ABTB3: variants seen among roughly 807,000 people sequenced by gnomAD.
The protein encoded by ABTB3 is ankyrin repeat- and BTB/POZ domain-containing protein 3.
At chr12:107,439,787 C>T in the ABTB3 span, among the ~76,000 whole-genome samples, 1 of 152,224 alleles carries the variant, frequency 6.6e-6, no homozygotes, top group African/African-American at 2.4e-5. Context: ...ATCAAGGCCA[C>T]AAACATACCC....
the ABTB3 span, among the ~76,000 whole-genome samples, chr12:107,655,785 A>G: frequency 6.6e-6 from 1 of 152,214 alleles, no homozygotes; most frequent in African/African-American, 2.4e-5. Context: ...CAGTCATGAA[A>G]AGAGGCCCTG....
the ABTB3 span, among the ~76,000 whole-genome samples, chr12:107,599,557 C>T: frequency 6.6e-6 from 1 of 152,158 alleles, no homozygotes; most frequent in African/African-American, 2.4e-5. Context: ...CGACTTGGTC[C>T]TTAATTACTA....
the ABTB3 span, among the ~76,000 whole-genome samples, chr12:107,564,672 C>A: frequency 8.5e-5 from 13 of 152,132 alleles, no homozygotes; most frequent in Non-Finnish European, 1.6e-4. Context: ...CTGACTGATG[C>A]GAAATCTCCT....
the ABTB3 span, among the ~76,000 whole-genome samples, chr12:107,474,966 G>A: frequency 6.6e-6 from 1 of 152,202 alleles, no homozygotes; most frequent in South Asian, 2.1e-4. Context: ...CATCAAAAAG[G>A]GGCTGAGCTC....
At chr12:107,350,366 C>T in the ABTB3 span, among the ~76,000 whole-genome samples, 4 of 151,918 alleles carry the variant, frequency 2.6e-5, no homozygotes, top group South Asian at 2.1e-4. Context: ...CTGGCTAACA[C>T]GGTGAAACCC....
the ABTB3 span, among the ~76,000 whole-genome samples, chr12:107,609,574 C>A: frequency 6.6e-6 from 1 of 152,234 alleles, no homozygotes; most frequent in Non-Finnish European, 1.5e-5. Context: ...CTCCCATTAA[C>A]CTCTATGTGC....
At chr12:107,467,252 C>T in the ABTB3 span, among the ~76,000 whole-genome samples, 3 of 152,050 alleles carry the variant, frequency 2.0e-5, no homozygotes, top group Non-Finnish European at 4.4e-5. Flanking sequence ...GCAAGTCATC[C>T]GCACAGCTGT....
At chr12:107,460,220 C>T in the ABTB3 span, among the ~76,000 whole-genome samples, 1 of 152,348 alleles carries the variant, frequency 6.6e-6, no homozygotes, top group East Asian at 1.9e-4. Flanking sequence ...TAGCCCAGCT[C>T]TGCATTCAGC....
At chr12:107,398,328 CA>C in the ABTB3 span, among the ~76,000 whole-genome samples, 2 of 152,232 alleles carry the variant, frequency 1.3e-5, no homozygotes, top group Non-Finnish European at 2.9e-5. Context: ...TTTTTCAGAG[CA>C]ATTTAACCAT....
At chr12:107,651,926 G>A in the ABTB3 span, 2 of 653,276 alleles carry the variant, frequency 3.1e-6, no homozygotes, top group South Asian at 3.7e-5. Flanking sequence ...CCTCTGCCAA[G>A]GTCTTGCTTC....
the ABTB3 span, chr12:107,642,098 C>T: frequency 6.2e-7 from 1 of 1,613,822 alleles, no homozygotes; most frequent in Non-Finnish European, 8.5e-7. Context: ...AGGTTCAAAG[C>T]ACTCCTCTCC....
the ABTB3 span, among the ~76,000 whole-genome samples, chr12:107,552,986 C>T: frequency 3.3e-5 from 5 of 152,162 alleles, no homozygotes; most frequent in Admixed American, 6.5e-5. Flanking sequence ...GCCATGTTGC[C>T]GAATCAACTC....
chr12:107,611,051 A>T, the ABTB3 span, among the ~76,000 whole-genome samples: 1 of 152,176 alleles, frequency 6.6e-6, no homozygotes, highest in Non-Finnish European at 1.5e-5. Flanking sequence ...TTATTTAACT[A>T]CAGCTATAAT....
At chr12:107,421,895 T>G in the ABTB3 span, among the ~76,000 whole-genome samples, 2 of 152,202 alleles carry the variant, frequency 1.3e-5, no homozygotes, top group African/African-American at 2.4e-5. Flanking sequence ...AAATACTTAC[T>G]GAGCACCTAT....
At chr12:107,657,750 C>G in the ABTB3 span, 6 of 1,604,194 alleles carry the variant, frequency 3.7e-6, no homozygotes, top group African/African-American at 8.0e-5. Context: ...TTCCCGGGAA[C>G]TTTCCAGTTC....
chr12:107,462,984 G>C, the ABTB3 span, among the ~76,000 whole-genome samples: 3 of 151,862 alleles, frequency 2.0e-5, no homozygotes, highest in South Asian at 6.3e-4. Flanking sequence ...TAGTGATGAT[G>C]GTGATAATGA....
the ABTB3 span, chr12:107,580,895 C>T: frequency 1.9e-6 from 3 of 1,551,138 alleles, no homozygotes; most frequent in Non-Finnish European, 2.6e-6. Flanking sequence ...TCACATTATC[C>T]CCAGGCTACA....
chr12:107,477,491 A>G, the ABTB3 span, among the ~76,000 whole-genome samples: 1 of 152,172 alleles, frequency 6.6e-6, no homozygotes, highest in Non-Finnish European at 1.5e-5. Flanking sequence ...AGAAGGTGCT[A>G]GAGTGTTGCC....
At chr12:107,485,314 G>T in the ABTB3 span, among the ~76,000 whole-genome samples, 1 of 152,116 alleles carries the variant, frequency 6.6e-6, no homozygotes, top group African/African-American at 2.4e-5. Context: ...TTGTCCTCCT[G>T]AGCTAAGAAA....
Sources: gnomAD v4.1 joint callset for allele counts (sites outside exome capture counted in the v4.1 genomes callset) on GRCh38, gnomAD v4.1.1 for gene constraint, MANE v1.5 for transcripts, NCBI Gene and HGNC (gene_info 2026-07-23, HGNC 2026-07-21) for gene names.